Variants in RYR2 observed in about 807,000 individuals in gnomAD.
RYR2 encodes the protein ryanodine receptor 2, also known as cardiac muscle ryanodine receptor-calcium release channel.
A neutral mutation model predicts 601.1 loss-of-function variants in RYR2; 227 were observed. That is an observed-to-expected ratio of 0.38 (90% CI 0.34 to 0.42). RYR2 has a LOEUF of 0.42. RYR2 is among the 10% of genes least tolerant of loss of function. The pLI, the probability that RYR2 is intolerant of heterozygous loss-of-function variation, is 1.00. For synonymous variants in RYR2, 2,223 were observed against 2,175.1 expected (o/e 1.02, Z -0.61); for missense variants, 4,646 against 6,156.5 (o/e 0.75, Z 8.21).
chr1:237,444,314 G>T (rs994327997), intron 13 of RYR2, among the ~76,000 whole-genome samples: 1 of 152,042 alleles, frequency 6.6e-6, no homozygotes, highest in Admixed American at 6.6e-5. Flanking sequence ...AAAACCGCAA[G>T]TTCTTTCATT....
chr1:237,180,077 A>G lies in RYR2; in HGVS notation c.49-90420A>G, dbSNP rs1430944705. On this transcript the variant is annotated intron_variant, in intron 1 of 104. Coordinates refer to ENST00000366574, the MANE Select transcript of RYR2 (RefSeq NM_001035.3). This position sits in a 1 kb window ranked among gnomAD's most constrained non-coding sequence, Gnocchi z 5.3. ...TGTTGATGGGAGACCCGACTTACTG[A>G]GCCATGTCCGTGTCGTCCTGTTGGT... Among the ~76,000 whole-genome samples the G allele has an allele frequency of 1.3e-5, 2 of 151,902 alleles. No individual in the cohort carries two copies. The highest frequency in any genetic ancestry group is 4.8e-5 in the African/African-American group (2 of 41,238).
chr1:237,735,210 G>T (rs1187505403), intron 79 of RYR2, among the ~76,000 whole-genome samples: 2 of 152,196 alleles, frequency 1.3e-5, no homozygotes, highest in Non-Finnish European at 2.9e-5. Context: ...GGTTTGTGGA[G>T]AGGGGCCATG....
intron 1 of RYR2, among the ~76,000 whole-genome samples, chr1:237,092,297 C>T (rs1163951625): frequency 1.3e-5 from 2 of 152,092 alleles, no homozygotes; most frequent in Non-Finnish European, 2.9e-5. Flanking sequence ...TAGGTACGCT[C>T]CAGATGGCCA....
At position 237,727,172 on chromosome 1, in the gene RYR2, G is replaced by T. The variant is rs56228594; in HGVS notation, c.10811G>T (p.Arg3604Leu). ...AAAAGGGCTGTTGTAGCCTGCTTCC[G>T]GATGGCCCCCTTATATAATCTGCCA... Reference protein sequence around the residue: ...QRKRAVVACFRMAPLYNLPRH... With the variant: ...QRKRAVVACFLMAPLYNLPRH... Residue 3604 changes from arginine (R) to leucine (L), a missense_variant, in exon 76 of 105, where the codon CGG becomes CTG. Physicochemically the swap from Arg to Leu is moderately radical, Grantham distance 102. This residue lies in a region of RYR2 where 1,497 missense variants were observed against 1,842.6 expected (regional missense o/e 0.81). Coordinates refer to ENST00000366574, the MANE Select transcript of RYR2 (RefSeq NM_001035.3). 1.3e-6 allele frequency: 2 copies of T among 1,572,846 alleles called. No individual in the cohort carries two copies. Among genetic ancestry groups the T allele is most frequent in the South Asian group, 2.4e-5 (2 of 84,466 alleles).
In RYR2 at chr1:237,580,449, G is replaced by A. The variant is rs142144236; in HGVS notation, c.3599-9344G>A. On this transcript the variant is annotated intron_variant, in intron 29 of 104. Transcript: ENST00000366574. ...TGGGATTACAGGCGTGAGCCACTGC[G>A]CCAGGCCCCAACAATGCTTTAAAAA... is the stretch of plus-strand genomic sequence containing the variant. Among the ~76,000 whole-genome samples the A allele has an allele frequency of 3.8e-3, 537 of 142,256 alleles. 1 individual carries two copies. Among genetic ancestry groups the A allele is most frequent in the African/African-American group, 0.013 (498 of 38,674 alleles). 93.3% of individuals were successfully genotyped at this position (142,256 alleles called of 152,430 possible).
At chr1:237,367,372 G>A (rs1173255943) in intron 5 of RYR2, among the ~76,000 whole-genome samples, 1 of 150,924 alleles carries the variant, frequency 6.6e-6, no homozygotes, top group Admixed American at 6.6e-5. Flanking sequence ...GATTACAAGC[G>A]TGAGCCACTG....
At chr1:237,387,758 G>A (rs16835193) in intron 9 of RYR2, among the ~76,000 whole-genome samples, 2 of 152,156 alleles carry the variant, frequency 1.3e-5, no homozygotes, top group Non-Finnish European at 2.9e-5. Flanking sequence ...CAAAGGAGCA[G>A]GGTTTCCTAG....
intron 3 of RYR2, among the ~76,000 whole-genome samples, chr1:237,351,854 CAAAAAAA>C (rs33955032): frequency 1.2e-4 from 5 of 40,952 alleles, no homozygotes; most frequent in Admixed American, 5.8e-4. Context: ...AAAGACCATG[CAAAAAAA>C]AAAAAAAAAA....
intron 1 of RYR2, among the ~76,000 whole-genome samples, chr1:237,145,931 G>A (rs139429032): frequency 0.013 from 1,904 of 152,238 alleles, 42 homozygotes; most frequent in African/African-American, 0.044. Context: ...TCCAGCTGCC[G>A]CTGTATTTGG....
chr1:237,508,998 TC>T (rs1037236346), intron 23 of RYR2, among the ~76,000 whole-genome samples: 2 of 152,056 alleles, frequency 1.3e-5, no homozygotes, highest in Non-Finnish European at 2.9e-5. Context: ...CGCCTCGGCC[TC>T]CCAAAGTGCT....
At chr1:237,603,551 T>C (rs1260022410) in intron 35 of RYR2, among the ~76,000 whole-genome samples, 1 of 152,198 alleles carries the variant, frequency 6.6e-6, no homozygotes, top group Non-Finnish European at 1.5e-5. Context: ...GACATCATAA[T>C]GACAGGATCA....
intron 25 of RYR2, among the ~76,000 whole-genome samples, chr1:237,539,220 T>A (rs1668988722): frequency 6.6e-6 from 1 of 152,254 alleles, no homozygotes. Flanking sequence ...TTTACCTCTG[T>A]CATTTCTGAG....
chr1:237,759,658 G>A (rs1194762254), intron 82 of RYR2, 118 bp from the exon 83 acceptor site: 3 of 727,532 alleles, frequency 4.1e-6, no homozygotes, highest in African/African-American at 3.5e-5. Context: ...AGTCATGTTT[G>A]TACGCAGTGA....
intron 25 of RYR2, among the ~76,000 whole-genome samples, chr1:237,545,239 G>T (rs1669673887): frequency 6.6e-6 from 1 of 152,206 alleles, no homozygotes; most frequent in Non-Finnish European, 1.5e-5. Flanking sequence ...AAAGAGGAAT[G>T]ATTTTGTCAA....
chr1:237,677,872 C>T (rs946218327), intron 60 of RYR2, among the ~76,000 whole-genome samples, 176 bp from the exon 61 acceptor site: 1 of 152,098 alleles, frequency 6.6e-6, no homozygotes, highest in African/African-American at 2.4e-5. Context: ...GGGTATTAAA[C>T]ATCCTTTTAT....
In RYR2 at chr1:237,458,441, AAAAT is replaced by A. The variant is rs1247582867; in HGVS notation, c.1612+1710_1612+1713del. Reference sequence around the variant, plus strand: ...GAGACTCCATCTCAAAACAAAAACAAAAATAAAGTTATTCTTGATGTTTCTCCCA... The same window carrying A: ...GAGACTCCATCTCAAAACAAAAACAAAAAGTTATTCTTGATGTTTCTCCCA... On this transcript the variant is annotated intron_variant, in intron 16 of 104. Coordinates refer to ENST00000366574, the MANE Select transcript of RYR2 (RefSeq NM_001035.3). Among the ~76,000 whole-genome samples, 8 of 152,274 alleles carry A rather than the reference AAAAT, an allele frequency of 5.3e-5. No homozygotes were observed. The East Asian group carries it at 1.5e-3, about 29-fold the overall frequency.
intron 1 of RYR2, among the ~76,000 whole-genome samples, chr1:237,166,471 G>T (rs992522533): frequency 6.9e-6 from 1 of 145,368 alleles, no homozygotes; most frequent in Admixed American, 7.2e-5. Flanking sequence ...GTCTCTCAGG[G>T]CTGGAGCCTA....
rs111616867 is a variant in RYR2 at position 237,781,295 on chromosome 1, G to C, written c.11881-270G>C. ...AAACTCCTGAGCTCAGGTGATCTGT[G>C]CGCCTCGGCCTCCCAAAGAAGTGCT... On this transcript the variant is annotated intron_variant, in intron 88 of 104. Transcript: ENST00000366574. 0.013 allele frequency among the ~76,000 whole-genome samples: 1,990 copies of C among 152,214 alleles called. 42 individuals carry two copies. The highest frequency in any genetic ancestry group is 0.046 in the African/African-American group (1,900 of 41,518).
At chr1:237,458,065 G>A (rs554859349) in intron 16 of RYR2, among the ~76,000 whole-genome samples, 2 of 152,038 alleles carry the variant, frequency 1.3e-5, no homozygotes, top group African/African-American at 2.4e-5. Context: ...CCTCTGGGAC[G>A]TTGTCTCACC....
Sources: gnomAD v4.1 joint callset for allele counts (sites outside exome capture counted in the v4.1 genomes callset) on GRCh38, gnomAD v4.1.1 for gene constraint, gnomAD v4.1.1 regional missense constraint, Gnocchi (gnomAD v3.1) non-coding constraint, MANE v1.5 for transcripts, NCBI Gene and HGNC (gene_info 2026-07-23, HGNC 2026-07-21) for gene names.